Variants in PARD3 observed in about 807,000 individuals in gnomAD.
PARD3 encodes the protein par-3 family cell polarity regulator, also known as partitioning defective 3 homolog.
In PARD3, 75 loss-of-function variants were observed where a neutral mutation model predicts 155.4. That is an observed-to-expected ratio of 0.48 (90% confidence interval 0.40 to 0.58). The LOEUF is 0.58. Ranked by LOEUF, PARD3 falls within the 20% of genes least tolerant of loss-of-function variation. The probability of loss-of-function intolerance (pLI) is 0.00; values close to 1 mark genes in which losing one functional copy is unlikely to be tolerated. For synonymous variants in PARD3, 576 were observed against 610.5 expected (o/e 0.94, Z 0.83); for missense variants, 1,642 against 1,721.7 (o/e 0.95, Z 0.82).
intron 1 of PARD3, among the ~76,000 whole-genome samples, chr10:34,745,838 C>A (rs1400710812): frequency 6.6e-6 from 1 of 151,956 alleles, no homozygotes; most frequent in Non-Finnish European, 1.5e-5. Flanking sequence ...CGGTGGCTCA[C>A]GCCTGTAATC....
At chr10:34,217,419 A>T (rs1470984194) in intron 22 of PARD3, among the ~76,000 whole-genome samples, 1 of 152,014 alleles carries the variant, frequency 6.6e-6, no homozygotes, top group African/African-American at 2.4e-5. Context: ...AAGTCTCAAT[A>T]CTTGTATGTA....
chr10:34,430,123 C>T (rs2075827902), intron 5 of PARD3, among the ~76,000 whole-genome samples: 1 of 152,182 alleles, frequency 6.6e-6, no homozygotes, highest in African/African-American at 2.4e-5. Flanking sequence ...AAGTGTTTAC[C>T]ATTTGAGTAC....
chr10:34,246,524 G>T (rs1401046936), intron 22 of PARD3, among the ~76,000 whole-genome samples: 3 of 152,132 alleles, frequency 2.0e-5, no homozygotes, highest in African/African-American at 7.2e-5. Flanking sequence ...GGCTAAGGTG[G>T]TCAGCATCTT....
At chr10:34,510,478 T>G (rs2081340097) in intron 3 of PARD3, among the ~76,000 whole-genome samples, 1 of 152,232 alleles carries the variant, frequency 6.6e-6, no homozygotes. Context: ...TATTTTGATC[T>G]ATTATATATT....
At chr10:34,131,630 C>T in intron 22 of PARD3, 47 bp from the exon 23 acceptor site, 1 of 1,574,784 alleles carries the variant, frequency 6.4e-7, no homozygotes, top group South Asian at 1.1e-5. Context: ...GAAATATTAT[C>T]TGTGAACTGC....
At chr10:34,172,292 C>G (rs562845633) in intron 22 of PARD3, among the ~76,000 whole-genome samples, 2 of 152,106 alleles carry the variant, frequency 1.3e-5, no homozygotes, top group Non-Finnish European at 1.5e-5. Flanking sequence ...TAGGTATTCA[C>G]TAAACTTTTA....
chr10:34,180,173 G>A lies in PARD3; in HGVS notation c.3420-48590C>T, dbSNP rs1194635578. On this transcript the variant is annotated intron_variant, in intron 22 of 24. Transcript: ENST00000374788. ...AGCGATTCTCCTGCCTCAGCCTCCT[G>A]AGTAGCTGGGATTACAGGCACCCGC... Among the ~76,000 whole-genome samples, 5 of 152,144 alleles carry A rather than the reference G, an allele frequency of 3.3e-5. No individual in the cohort carries two copies. The East Asian group carries it at 7.7e-4, about 24-fold the overall frequency.
chr10:34,670,584 T>C (rs1430340495), intron 2 of PARD3, among the ~76,000 whole-genome samples: 1 of 152,228 alleles, frequency 6.6e-6, no homozygotes, highest in Non-Finnish European at 1.5e-5. Context: ...CTGGAGATTC[T>C]GATTCAGCGA....
chr10:34,681,090 T>C (rs567295828), intron 2 of PARD3, among the ~76,000 whole-genome samples: 4 of 152,250 alleles, frequency 2.6e-5, no homozygotes, highest in African/African-American at 9.6e-5. Flanking sequence ...TTTAACAGTG[T>C]TATACGATGC....
intron 2 of PARD3, among the ~76,000 whole-genome samples, chr10:34,523,240 AG>A (rs2082261972): frequency 6.6e-6 from 1 of 152,196 alleles, no homozygotes; most frequent in South Asian, 2.1e-4. Flanking sequence ...GAAATCTCAA[AG>A]ACCTCTAGGT....
intron 20 of PARD3, among the ~76,000 whole-genome samples, chr10:34,284,953 G>C (rs17554828): frequency 1.5e-4 from 23 of 152,106 alleles, no homozygotes; most frequent in Admixed American, 1.4e-3. Flanking sequence ...TCTGCAGATG[G>C]GTGCTGAGCT....
intron 21 of PARD3, among the ~76,000 whole-genome samples, chr10:34,275,363 C>T (rs940372528): frequency 3.3e-5 from 5 of 152,132 alleles, no homozygotes; most frequent in Admixed American, 6.5e-5. Flanking sequence ...GAACTACTGC[C>T]GCAAAAGGCT....
chr10:34,681,774 T>A (rs1363465023), intron 2 of PARD3, among the ~76,000 whole-genome samples: 400 of 28,662 alleles, frequency 0.014, no homozygotes, highest in Non-Finnish European at 0.019. Context: ...ATATATTTTT[T>A]TTTTTTTTTT....
chr10:34,228,362 C>T (rs1214654144), intron 22 of PARD3, among the ~76,000 whole-genome samples: 1 of 151,834 alleles, frequency 6.6e-6, no homozygotes. Context: ...GCAATTTGCC[C>T]ATGTAACAAA....
At chr10:34,343,890 T>C (rs1837100320) in intron 15 of PARD3, 2 of 983,348 alleles carry the variant, frequency 2.0e-6, no homozygotes, top group Admixed American at 6.2e-5. Context: ...TTACTAAACA[T>C]TTATTCATTG....
chr10:34,160,938 C>T (rs780271051), intron 22 of PARD3, among the ~76,000 whole-genome samples: 3 of 152,026 alleles, frequency 2.0e-5, no homozygotes, highest in Non-Finnish European at 4.4e-5. Flanking sequence ...CCAGTGCCAA[C>T]TAGGAAGAAG....
chr10:34,691,270 A>T (rs530537778), intron 2 of PARD3, among the ~76,000 whole-genome samples: 2 of 152,328 alleles, frequency 1.3e-5, no homozygotes, highest in East Asian at 3.9e-4. Context: ...CCAATGTATA[A>T]AAATCAGTAG....
chr10:34,224,270 T>C (rs778826185), intron 22 of PARD3, among the ~76,000 whole-genome samples: 1 of 152,232 alleles, frequency 6.6e-6, no homozygotes, highest in Non-Finnish European at 1.5e-5. Context: ...GTTGACAATA[T>C]GGAAAGATAA....
chr10:34,382,937 G>A lies in PARD3; in HGVS notation c.1017-15C>T. On this transcript the variant is annotated splice_polypyrimidine_tract_variant and intron_variant, in intron 8 of 24. Transcript: ENST00000374788. ...TATGTTGTGCTCTGGGTTTGAGAAA[G>A]AATAGAAAATTAGCAAATTAAGACT... The A allele has an allele frequency of 6.2e-7, 1 of 1,610,126 alleles. No homozygotes were observed. Among genetic ancestry groups the A allele is most frequent in the East Asian group, 2.2e-5 (1 of 44,756 alleles).
Sources: allele counts gnomAD v4.1 joint callset (sites outside exome capture counted in the v4.1 genomes callset), GRCh38; gene constraint gnomAD v4.1.1; transcripts MANE v1.5; gene names NCBI Gene and HGNC (gene_info 2026-07-23, HGNC 2026-07-21).